Variants in ADGRG1 observed in about 807,000 individuals in gnomAD.
ADGRG1 encodes the protein 7-transmembrane protein with no EGF-like N-terminal domains-1.
ADGRG1 carries 53 observed loss-of-function variants against 73.5 expected under a neutral mutation model. That is an observed-to-expected ratio of 0.72 (90% confidence interval 0.58 to 0.91). The LOEUF (loss-of-function observed/expected upper bound fraction) is 0.91, where lower values mean the gene tolerates loss of function less well. ADGRG1 is among the 40% of genes least tolerant of loss of function. The pLI is 0.00. For missense variants in ADGRG1, 795 were observed against 871.8 expected, an observed-to-expected ratio of 0.91 and a Z score of 1.11; for synonymous variants, 394 against 374.4, an observed-to-expected ratio of 1.05 and a Z score of -0.60.
At chr16:57,656,640 C>T (rs1425134109) in intron 9 of ADGRG1, 23 bp downstream of exon 9, 12 of 1,367,380 alleles carry the variant, frequency 8.8e-6, no homozygotes, top group Admixed American at 1.7e-5. Context: ...GCTCCCACCT[C>T]GCAGCCACAC....
At chr16:57,631,381 G>A (rs2037862991) in intron 1 of ADGRG1, 12 of 985,934 alleles carry the variant, frequency 1.2e-5, no homozygotes, top group Non-Finnish European at 1.4e-5. Context: ...TGGGGTCTGG[G>A]GGGCTGTGCC....
intron 4 of ADGRG1, 159 bp downstream of exon 4, chr16:57,653,494 C>T (rs1170076390): frequency 1.0e-6 from 1 of 985,138 alleles, no homozygotes; most frequent in Admixed American, 6.2e-5. Flanking sequence ...CAACACATGC[C>T]CCCCAGGCTG....
At chr16:57,640,983 T>A in intron 1 of ADGRG1, 1 of 985,450 alleles carries the variant, frequency 1.0e-6, no homozygotes, top group Non-Finnish European at 1.2e-6. Flanking sequence ...GAGGTCCGGC[T>A]GTGGTTTGAG....
chr16:57,645,137 C>T (rs1319600375), intron 1 of ADGRG1: 2 of 985,364 alleles, frequency 2.0e-6, no homozygotes, highest in African/African-American at 1.7e-5. Context: ...TGGGCCAAAT[C>T]CTTGCTTCCA....
intron 10 of ADGRG1, among the ~76,000 whole-genome samples, chr16:57,657,887 G>A (rs933749770): frequency 6.6e-6 from 1 of 151,800 alleles, no homozygotes; most frequent in Non-Finnish European, 1.5e-5. Flanking sequence ...GACTACTGGC[G>A]CCTGCCACCA....
chr16:57,622,994 C>T, upstream of ADGRG1: 1 of 985,386 alleles, frequency 1.0e-6, no homozygotes, highest in East Asian at 1.1e-4. Flanking sequence ...TTCTTGTTGG[C>T]ATGTGGTCAA....
chr16:57,650,132 T>C, intron 1 of ADGRG1, 121 bp from the exon 2 acceptor site: 2 of 1,525,030 alleles, frequency 1.3e-6, no homozygotes, highest in Middle Eastern at 2.0e-4. Flanking sequence ...CATGGGCTTT[T>C]TCCACACTTG....
chr16:57,632,391 G>C, intron 1 of ADGRG1: 2 of 868,300 alleles, frequency 2.3e-6, no homozygotes, highest in Non-Finnish European at 2.8e-6. Flanking sequence ...GTAAACTGTG[G>C]ATCACAATCA....
At chr16:57,656,745 C>T in intron 9 of ADGRG1, 128 bp downstream of exon 9, 3 of 745,856 alleles carry the variant, frequency 4.0e-6, no homozygotes, top group Non-Finnish European at 7.4e-6. Context: ...ATTGTTGTCC[C>T]ATTTTATAGA....
upstream of ADGRG1, chr16:57,620,102 G>T (rs1294855146): frequency 6.6e-6 from 1 of 152,360 alleles, no homozygotes; most frequent in Non-Finnish European, 1.5e-5. Context: ...GGCCACACAG[G>T]CACAGGCCGG....
intron 1 of ADGRG1, chr16:57,646,716 C>G (rs1367026932): frequency 4.1e-5 from 40 of 982,676 alleles, no homozygotes; most frequent in Non-Finnish European, 4.7e-5. Context: ...CTTGGCACCA[C>G]GCTCGTGTGA....
chr16:57,654,886 C>T, intron 5 of ADGRG1: 1 of 173,416 alleles, frequency 5.8e-6, no homozygotes, highest in Non-Finnish European at 1.1e-5. Context: ...TCTCAAAAAA[C>T]ATTTTTTTAT....
chr16:57,630,495 A>C, intron 1 of ADGRG1: 1 of 985,626 alleles, frequency 1.0e-6, no homozygotes, highest in Non-Finnish European at 1.2e-6. Context: ...GGGTGATCAC[A>C]GCTGCCCTGG....
intron 1 of ADGRG1, chr16:57,630,028 C>T: frequency 2.0e-6 from 2 of 984,232 alleles, no homozygotes; most frequent in South Asian, 9.4e-5. Context: ...GCCTTTGTTG[C>T]TCCTTCAGTG....
At position 57,659,621 on chromosome 16, in the gene ADGRG1, G is replaced by T. The variant is rs2046581766; in HGVS notation, c.1495G>T (p.Val499Leu). The T allele has an allele frequency of 6.2e-7, 1 of 1,614,096 alleles. No homozygotes were observed. The highest frequency in any genetic ancestry group is 1.3e-5 in the African/African-American group (1 of 75,036). The change falls in exon 11 of 14, where the codon GTG becomes TTG. Residue 499 changes from valine to leucine, a missense_variant. Coordinates refer to ENST00000562631, the MANE Select transcript of ADGRG1 (RefSeq NM_201525.4). Reference protein sequence around the residue: ...LEGYNLYRLVVEVFGTYVPGY... With the variant: ...LEGYNLYRLVLEVFGTYVPGY... ...GGGGTACAACCTCTACCGACTCGTG[G>T]TGGAGGTCTTTGGCACCTATGTCCC...
chr16:57,625,932 G>A (rs181195668), upstream of ADGRG1, among the ~76,000 whole-genome samples: 613 of 152,260 alleles, frequency 4.0e-3, 2 homozygotes, highest in Admixed American at 6.5e-3. Context: ...GTTTATCGAA[G>A]CCCCCTTCTT....
At chr16:57,641,587 A>G (rs1488949556) in intron 1 of ADGRG1, 112 of 717,412 alleles carry the variant, frequency 1.6e-4, no homozygotes, top group Non-Finnish European at 1.8e-4. Context: ...TTTTTTTGAG[A>G]CAGGGTCTCG....
chr16:57,661,549 A>G, intron 12 of ADGRG1, 148 bp from the exon 13 acceptor site: 4 of 1,492,890 alleles, frequency 2.7e-6, no homozygotes, highest in Non-Finnish European at 3.6e-6. Flanking sequence ...ACTCAAATGT[A>G]TTTTTAAAAT....
In ADGRG1 at chr16:57,656,054, C is replaced by T. The variant is rs530094414; in HGVS notation, c.1017+62C>T. 1.9e-6 allele frequency: 3 copies of T among 1,613,524 alleles called. No individual in the cohort carries two copies. The African/African-American group carries it at 4.0e-5, about 22-fold the overall frequency. On this transcript the variant is annotated intron_variant, in intron 7 of 13. Transcript: ENST00000562631. ...CTCGGCCATGTCACCCTTTCCTCTC[C>T]CTCCCTCCAGACTCATTTGTCTTTA... is the stretch of plus-strand genomic sequence containing the variant.
Sources: gnomAD v4.1 joint callset for allele counts (sites outside exome capture counted in the v4.1 genomes callset) on GRCh38, gnomAD v4.1.1 for gene constraint, MANE v1.5 for transcripts, NCBI Gene and HGNC (gene_info 2026-07-23, HGNC 2026-07-21) for gene names.